Variants in ADGRB3 observed in about 807,000 individuals in gnomAD.
ADGRB3 encodes the protein adhesion G protein-coupled receptor B3, also known as brain-specific angiogenesis inhibitor 3.
Under a neutral mutation model 193.4 loss-of-function variants are expected in ADGRB3, and 37 were observed. That is an observed-to-expected ratio of 0.19 (90% CI 0.15 to 0.25). ADGRB3 has a LOEUF of 0.25. ADGRB3 is among the 10% of genes least tolerant of loss of function. The pLI is 1.00. For synonymous variants in ADGRB3, 690 were observed against 644.2 expected (o/e 1.07, Z -1.08); for missense variants, 1,637 against 1,852.9 (o/e 0.88, Z 2.14).
rs796463336 is a variant in ADGRB3 at position 69,034,679 on chromosome 6, C to CAG, written c.2108-13497_2108-13496dup. 2.7e-3 allele frequency among the ~76,000 whole-genome samples: 397 copies of CAG among 148,764 alleles called. 1 individual carries two copies. The highest frequency in any genetic ancestry group is 9.8e-3 in the African/African-American group (391 of 40,042). Reference sequence around the variant, plus strand: ...ACAGAGAGAGAGACAGAGAGGAAGACAGAGAGAGAGTGAGAGAGAGAACAA... The same window carrying CAG: ...ACAGAGAGAGAGACAGAGAGGAAGACAGAGAGAGAGAGTGAGAGAGAGAACAA... On this transcript the variant is annotated intron_variant, in intron 13 of 31. Coordinates refer to ENST00000370598, the MANE Select transcript of ADGRB3 (RefSeq NM_001704.3).
chr6:68,934,114 AGTG>A (rs1767422277), intron 4 of ADGRB3, among the ~76,000 whole-genome samples: 1 of 152,226 alleles, frequency 6.6e-6, no homozygotes, highest in African/African-American at 2.4e-5. Context: ...AGAAGTATTT[AGTG>A]GAAATGTCAC....
At chr6:68,829,436 G>A (rs1767913147) in intron 3 of ADGRB3, among the ~76,000 whole-genome samples, 1 of 151,880 alleles carries the variant, frequency 6.6e-6, no homozygotes, top group African/African-American at 2.4e-5. Flanking sequence ...TAACTGTTGT[G>A]TTATTAGATC....
chr6:69,182,911 G>C (rs1169104603), intron 17 of ADGRB3, among the ~76,000 whole-genome samples: 1 of 152,020 alleles, frequency 6.6e-6, no homozygotes, highest in East Asian at 1.9e-4. Context: ...GCAGACTCCA[G>C]TATACCACTG....
chr6:68,897,506 A>AAGGAAGGGAGGGAGGGAGGAAGGAAAG (rs1554216229), intron 3 of ADGRB3, among the ~76,000 whole-genome samples: 2 of 28,996 alleles, frequency 6.9e-5, no homozygotes, highest in Admixed American at 3.8e-4. Context: ...AGGGAAGAGG[A>AAGGAAGGGAGGGAGGGAGGAAGGAAAG]AGGAAGGAAG....
intron 3 of ADGRB3, among the ~76,000 whole-genome samples, chr6:68,652,976 G>C (rs1768401568): frequency 1.3e-5 from 2 of 152,092 alleles, no homozygotes; most frequent in South Asian, 4.1e-4. Context: ...ACCATTCTGG[G>C]TTTCTGTAGG....
At chr6:68,966,539 C>A (rs1768385987) in intron 8 of ADGRB3, among the ~76,000 whole-genome samples, 1 of 152,062 alleles carries the variant, frequency 6.6e-6, no homozygotes, top group Non-Finnish European at 1.5e-5. Context: ...ACATGTGGTT[C>A]CCAGGACACA....
At chr6:69,272,957 A>G (rs948894117) in intron 20 of ADGRB3, among the ~76,000 whole-genome samples, 1 of 152,122 alleles carries the variant, frequency 6.6e-6, no homozygotes, top group African/African-American at 2.4e-5. Flanking sequence ...CTGTAGTGCA[A>G]TGGCGTGATC....
chr6:69,194,925 C>A (rs1765265991), intron 17 of ADGRB3, among the ~76,000 whole-genome samples: 1 of 152,094 alleles, frequency 6.6e-6, no homozygotes, highest in African/African-American at 2.4e-5. Context: ...TGGTATATAG[C>A]AAGCATTCAA....
chr6:68,706,086 T>A (rs1458976659), intron 3 of ADGRB3, among the ~76,000 whole-genome samples: 1 of 152,200 alleles, frequency 6.6e-6, no homozygotes, highest in African/African-American at 2.4e-5. Flanking sequence ...GCAAAGGTTG[T>A]CACAGAGGTT....
At chr6:68,835,725 C>T (rs1479139371) in intron 3 of ADGRB3, among the ~76,000 whole-genome samples, 2 of 152,130 alleles carry the variant, frequency 1.3e-5, no homozygotes, top group East Asian at 3.9e-4. Context: ...GTTTTGTCTG[C>T]TTTACAGTAT....
chr6:68,925,855 C>A (rs994777581), intron 3 of ADGRB3, among the ~76,000 whole-genome samples: 5 of 151,944 alleles, frequency 3.3e-5, no homozygotes, highest in African/African-American at 1.2e-4. Context: ...ATCTTTATAA[C>A]TTTGGTTCCT....
At chr6:68,717,017 C>T (rs2127320273) in intron 3 of ADGRB3, among the ~76,000 whole-genome samples, 1 of 151,722 alleles carries the variant, frequency 6.6e-6, no homozygotes, top group African/African-American at 2.4e-5. Flanking sequence ...CACGTAGGAG[C>T]TTATCTTTCT....
chr6:69,328,009 A>T, intron 22 of ADGRB3, 120 bp downstream of exon 22: 1 of 755,874 alleles, frequency 1.3e-6, no homozygotes, highest in East Asian at 3.0e-5. Context: ...TAGAAATTGC[A>T]TTAGTAAGGA....
intron 17 of ADGRB3, among the ~76,000 whole-genome samples, chr6:69,100,047 T>G (rs1772988387): frequency 1.3e-5 from 2 of 152,186 alleles, no homozygotes; most frequent in South Asian, 4.1e-4. Context: ...GACACATCAG[T>G]CATTTACACT....
At chr6:69,020,926 T>A (rs1421344914) in intron 13 of ADGRB3, among the ~76,000 whole-genome samples, 1 of 152,018 alleles carries the variant, frequency 6.6e-6, no homozygotes, top group Non-Finnish European at 1.5e-5. Context: ...TTATCCAATT[T>A]GATACTATAT....
At chr6:68,929,145 A>G (rs891873943) in intron 3 of ADGRB3, among the ~76,000 whole-genome samples, 6 of 152,276 alleles carry the variant, frequency 3.9e-5, no homozygotes, top group South Asian at 2.1e-4. Context: ...ACCCACTGAC[A>G]TTTTGTTATT....
At chr6:69,033,031 A>G (rs1338372247) in intron 13 of ADGRB3, among the ~76,000 whole-genome samples, 1 of 152,212 alleles carries the variant, frequency 6.6e-6, no homozygotes, top group African/African-American at 2.4e-5. Flanking sequence ...GGGAACTTGC[A>G]GAGTTCCTAC....
At chr6:68,923,340 G>A (rs536560142) in intron 3 of ADGRB3, among the ~76,000 whole-genome samples, 29 of 152,022 alleles carry the variant, frequency 1.9e-4, no homozygotes, top group Admixed American at 8.5e-4. Flanking sequence ...CAAAAAGTAA[G>A]CCTTGAGATC....
At chr6:69,310,143 T>C (rs1768159694) in intron 20 of ADGRB3, among the ~76,000 whole-genome samples, 1 of 151,794 alleles carries the variant, frequency 6.6e-6, no homozygotes, top group Non-Finnish European at 1.5e-5. Flanking sequence ...TTTGGTAAGA[T>C]CTATTTTTGA....
Sources: allele counts gnomAD v4.1 joint callset (sites outside exome capture counted in the v4.1 genomes callset), GRCh38; gene constraint gnomAD v4.1.1; transcripts MANE v1.5; gene names NCBI Gene and HGNC (gene_info 2026-07-23, HGNC 2026-07-21).